Variants in PDE3B observed in about 807,000 individuals in gnomAD.
PDE3B encodes the protein cGMP-inhibited 3',5'-cyclic phosphodiesterase 3B.
A neutral mutation model predicts 116.8 loss-of-function variants in PDE3B; 66 were observed. That is an observed-to-expected ratio of 0.56 (90% CI 0.46 to 0.69). The LOEUF (loss-of-function observed/expected upper bound fraction) is 0.69, where lower values mean the gene tolerates loss of function less well. Ranked by LOEUF, PDE3B falls within the 30% of genes least tolerant of loss-of-function variation. PDE3B has a pLI of 0.00. For missense variants in PDE3B, 1,384 were observed against 1,368.1 expected, an observed-to-expected ratio of 1.01 and a Z score of -0.18; for synonymous variants, 595 against 533.6, an observed-to-expected ratio of 1.12 and a Z score of -1.59.
intron 5 of PDE3B, among the ~76,000 whole-genome samples, chr11:14,813,237 G>A (rs761436014): frequency 2.6e-5 from 4 of 152,112 alleles, no homozygotes; most frequent in Non-Finnish European, 4.4e-5. Context: ...TATAATTCTG[G>A]AGGTCAGAAG....
At chr11:14,835,324 T>C (rs1860020104) in intron 11 of PDE3B, among the ~76,000 whole-genome samples, 1 of 152,232 alleles carries the variant, frequency 6.6e-6, no homozygotes, top group South Asian at 2.1e-4. Context: ...AAAGATAGAT[T>C]AATATTCAGT....
intron 4 of PDE3B, among the ~76,000 whole-genome samples, chr11:14,790,074 G>C (rs950690955): frequency 1.3e-5 from 2 of 152,012 alleles, no homozygotes; most frequent in Non-Finnish European, 2.9e-5. Flanking sequence ...ATTTGAAACA[G>C]TAGATGGCAG....
At chr11:14,858,194 T>A (rs1847883988) in intron 12 of PDE3B, among the ~76,000 whole-genome samples, 1 of 152,232 alleles carries the variant, frequency 6.6e-6, no homozygotes, top group Non-Finnish European at 1.5e-5. Context: ...TCTTTCTCAT[T>A]ACACAGTAGG....
At chr11:14,670,015 A>G (rs1281797350) in intron 1 of PDE3B, among the ~76,000 whole-genome samples, 1 of 152,212 alleles carries the variant, frequency 6.6e-6, no homozygotes, top group Non-Finnish European at 1.5e-5. Flanking sequence ...CTGAGAATCA[A>G]TAGTGCCTTC....
chr11:14,702,387 G>C (rs1855391660), intron 1 of PDE3B, among the ~76,000 whole-genome samples: 1 of 151,714 alleles, frequency 6.6e-6, no homozygotes, highest in Non-Finnish European at 1.5e-5. Flanking sequence ...GCTTTTGTCA[G>C]ATTCTTCAAG....
At chr11:14,708,098 G>A (rs149872527) in intron 1 of PDE3B, among the ~76,000 whole-genome samples, 126 of 152,156 alleles carry the variant, frequency 8.3e-4, no homozygotes, top group African/African-American at 2.8e-3. Flanking sequence ...GGAGATATTT[G>A]GGTCATAGGG....
At chr11:14,687,449 G>C (rs1854909255) in intron 1 of PDE3B, among the ~76,000 whole-genome samples, 1 of 152,152 alleles carries the variant, frequency 6.6e-6, no homozygotes. Flanking sequence ...AAGCCAGTGG[G>C]AAATATGAAG....
intron 4 of PDE3B, among the ~76,000 whole-genome samples, chr11:14,801,514 C>T (rs893149198): frequency 2.0e-5 from 3 of 152,202 alleles, no homozygotes; most frequent in African/African-American, 7.2e-5. Flanking sequence ...AAGCTTTGTC[C>T]CAGAGGGACA....
At chr11:14,746,308 C>A (rs1285344172) in intron 1 of PDE3B, among the ~76,000 whole-genome samples, 1 of 152,112 alleles carries the variant, frequency 6.6e-6, no homozygotes, top group East Asian at 1.9e-4. Context: ...GCACAAGAAC[C>A]CAGGAGGCGG....
chr11:14,817,217 C>G (rs557585618), intron 5 of PDE3B, among the ~76,000 whole-genome samples: 1 of 150,678 alleles, frequency 6.6e-6, no homozygotes. Context: ...TGTCCTCACT[C>G]ATAGGTGGGA....
intron 1 of PDE3B, among the ~76,000 whole-genome samples, chr11:14,703,834 C>T (rs1855447332): frequency 6.6e-6 from 1 of 151,236 alleles, no homozygotes; most frequent in Non-Finnish European, 1.5e-5. Flanking sequence ...TTTTAAAACA[C>T]CTTAAATGTA....
chr11:14,759,404 C>G (rs1349922754), intron 1 of PDE3B, among the ~76,000 whole-genome samples: 1 of 152,122 alleles, frequency 6.6e-6, no homozygotes, highest in Non-Finnish European at 1.5e-5. Context: ...ATCTGCACAA[C>G]AAGTTTAAAT....
At chr11:14,803,482 G>A (rs1858831475) in intron 4 of PDE3B, among the ~76,000 whole-genome samples, 1 of 152,132 alleles carries the variant, frequency 6.6e-6, no homozygotes, top group African/African-American at 2.4e-5. Flanking sequence ...TTAGAAGTGT[G>A]GATTATCTGG....
intron 1 of PDE3B, among the ~76,000 whole-genome samples, chr11:14,654,406 G>C (rs1466089598): frequency 1.3e-5 from 2 of 152,274 alleles, no homozygotes; most frequent in East Asian, 3.9e-4. Context: ...CATCCGACAG[G>C]TGCTGAGAGA....
rs925234759 is a variant in PDE3B, at chr11:14,716,517, C to T, written c.979-55420C>T. Among the ~76,000 whole-genome samples the T allele has an allele frequency of 1.8e-3, 273 of 148,352 alleles. 4 individuals carry two copies. The East Asian group carries it at 0.046, about 25-fold the overall frequency. On this transcript the variant is annotated intron_variant, in intron 1 of 15. Coordinates refer to ENST00000282096, the MANE Select transcript of PDE3B (RefSeq NM_000922.4). ...AGGAACCTCTGCAGACTTAAATGTC[C>T]CTGTCTGACAGCTTTGAAGAGAGCA...
chr11:14,828,280 A>G (rs997625868), intron 7 of PDE3B, among the ~76,000 whole-genome samples: 15 of 152,354 alleles, frequency 9.8e-5, no homozygotes, highest in African/African-American at 3.4e-4. Context: ...CATGACAAAG[A>G]TGCCAAAAGC....
intron 13 of PDE3B, 34 bp from the exon 14 acceptor site, chr11:14,861,171 C>G (rs781939920): frequency 2.6e-6 from 4 of 1,556,682 alleles, no homozygotes; most frequent in Non-Finnish European, 2.6e-6. Flanking sequence ...AAAATGCCTT[C>G]AGAACCTAAA....
chr11:14,832,330 TAA>T (rs1383393521), intron 9 of PDE3B, among the ~76,000 whole-genome samples: 2 of 152,240 alleles, frequency 1.3e-5, no homozygotes, highest in Non-Finnish European at 2.9e-5. Flanking sequence ...GTGAAATATA[TAA>T]GTTCATTTAA....
chr11:14,885,994 T>TA, the PDE3B span: 1 of 1,402,490 alleles, frequency 7.1e-7, no homozygotes, highest in African/African-American at 1.4e-5. Flanking sequence ...CTACAAGTGG[T>TA]AAGTGCGGCT....
Sources: gnomAD v4.1 joint callset for allele counts (sites outside exome capture counted in the v4.1 genomes callset) on GRCh38, gnomAD v4.1.1 for gene constraint, MANE v1.5 for transcripts, NCBI Gene and HGNC (gene_info 2026-07-23, HGNC 2026-07-21) for gene names.